The following TSPAN9 variants were observed in gnomAD, a reference collection of about 807,000 sequenced individuals.
The protein encoded by TSPAN9 is tetraspanin-9.
A neutral mutation model predicts 31.0 loss-of-function variants in TSPAN9; 16 were observed. The ratio of observed to expected loss-of-function variants is 0.52; its 90% CI spans 0.35 to 0.78. TSPAN9 has a LOEUF of 0.78. Among genes scored for constraint, TSPAN9 ranks in the 30% least tolerant of loss-of-function variants. The pLI is 0.01. For missense variants in TSPAN9, 272 were observed against 312.5 expected (o/e 0.87, Z 0.98); for synonymous variants, 145 against 121.6 (o/e 1.19, Z -1.27).
At chr12:3,276,887 C>T (rs1473525581) in intron 3 of TSPAN9, among the ~76,000 whole-genome samples, 3 of 152,128 alleles carry the variant, frequency 2.0e-5, no homozygotes, top group Non-Finnish European at 4.4e-5. Flanking sequence ...GCGTCTGTCC[C>T]CTCCCCTCAC....
At chr12:3,278,854 GGGTTTCCTCAGGA>G in intron 4 of TSPAN9, 125 bp from the exon 5 acceptor site, 2 of 992,812 alleles carry the variant, frequency 2.0e-6, no homozygotes, top group East Asian at 4.9e-5. Flanking sequence ...CTAGCTATCT[GGGTTTCCTCAGGA>G]GGAGCTGGCT....
At chr12:3,099,697 T>C (rs1222191655) in intron 2 of TSPAN9, among the ~76,000 whole-genome samples, 1 of 152,234 alleles carries the variant, frequency 6.6e-6, no homozygotes, top group African/African-American at 2.4e-5. Context: ...GGGCTCAGTT[T>C]CATACATTTG....
intron 3 of TSPAN9, among the ~76,000 whole-genome samples, chr12:3,245,710 T>C (rs1222558241): frequency 2.0e-5 from 3 of 152,180 alleles, no homozygotes; most frequent in Non-Finnish European, 4.4e-5. Flanking sequence ...CACGCTTTGC[T>C]CACAGCACCT....
chr12:3,081,844 G>GTGTGTGTGTATATATA (rs57812985), intron 1 of TSPAN9, among the ~76,000 whole-genome samples: 12 of 116,738 alleles, frequency 1.0e-4, no homozygotes, highest in African/African-American at 4.0e-4. Flanking sequence ...GTCTGTGTGT[G>GTGTGTGTGTATATATA]TATATATATG....
intron 3 of TSPAN9, among the ~76,000 whole-genome samples, chr12:3,247,309 C>A (rs1448125903): frequency 1.9e-5 from 1 of 52,434 alleles, no homozygotes; most frequent in African/African-American, 4.3e-5. Context: ...GCCCCCCCCC[C>A]CCCGCCACCC....
chr12:3,163,500 A>T (rs941055035), intron 2 of TSPAN9, among the ~76,000 whole-genome samples: 1 of 152,118 alleles, frequency 6.6e-6, no homozygotes, highest in Non-Finnish European at 1.5e-5. Flanking sequence ...TACACCTAGG[A>T]TGGTGTTTCA....
rs566793331 is a variant in TSPAN9, at chr12:3,105,432, A to T, written c.-18+21713A>T. 3.6e-3 allele frequency among the ~76,000 whole-genome samples: 180 copies of T among 49,432 alleles called. 1 individual carries two copies. The highest frequency in any genetic ancestry group is 6.8e-3 in the Non-Finnish European group (127 of 18,724). 32.4% of individuals were successfully genotyped at this position (49,432 alleles called of 152,430 possible). On this transcript the variant is annotated intron_variant, in intron 2 of 8. Transcript: ENST00000011898. Reference sequence around the variant, plus strand: ...TAAGGAAGATATTTTTCCTTGTCTTAAAAAAAAAAAAAAAAGCTACAGGCT... The same window carrying T: ...TAAGGAAGATATTTTTCCTTGTCTTTAAAAAAAAAAAAAAAGCTACAGGCT...
At chr12:3,097,350 G>A (rs529937976) in intron 2 of TSPAN9, among the ~76,000 whole-genome samples, 1 of 152,340 alleles carries the variant, frequency 6.6e-6, no homozygotes, top group East Asian at 1.9e-4. Flanking sequence ...CACGTGTGTG[G>A]CTATTTTGGG....
chr12:3,106,398 A>G (rs1444957441), intron 2 of TSPAN9, among the ~76,000 whole-genome samples: 5 of 152,214 alleles, frequency 3.3e-5, no homozygotes. Flanking sequence ...AGATCTGCAG[A>G]CTGGGAGGCA....
intron 2 of TSPAN9, among the ~76,000 whole-genome samples, chr12:3,151,837 C>G (rs908184032): frequency 3.3e-5 from 5 of 152,058 alleles, no homozygotes; most frequent in African/African-American, 1.2e-4. Flanking sequence ...GCAGGAGAGT[C>G]GCTTGAACCC....
intron 2 of TSPAN9, among the ~76,000 whole-genome samples, chr12:3,130,691 A>G (rs1408092811): frequency 1.3e-5 from 2 of 152,222 alleles, no homozygotes; most frequent in South Asian, 2.1e-4. Flanking sequence ...GTACCGGCCC[A>G]CAGAGATGTG....
intron 3 of TSPAN9, among the ~76,000 whole-genome samples, chr12:3,223,285 C>A (rs2098385490): frequency 1.3e-5 from 2 of 152,200 alleles, no homozygotes; most frequent in Non-Finnish European, 2.9e-5. Flanking sequence ...TTCTGTGCCC[C>A]TTACCCGGCT....
rs1862966692 is a variant in TSPAN9 at position 3,284,290 on chromosome 12, T to C, written c.*1174T>C. The C allele has an allele frequency of 6.6e-6, 1 of 152,516 alleles. No individual in the cohort carries two copies. The highest frequency in any genetic ancestry group is 2.1e-4 in the South Asian group (1 of 4,838). 9.4% of individuals were successfully genotyped at this position (152,516 alleles called of 1,614,324 possible). On this transcript the variant is annotated 3_prime_UTR_variant, in exon 9 of 9. Transcript: ENST00000011898. ...GGAAGGGGAAGCAGTCCTTAGGTTT[T>C]GCTGTGCTGGGACAGTGGCAGGGGA...
At chr12:3,242,581 G>A (rs2098397129) in intron 3 of TSPAN9, among the ~76,000 whole-genome samples, 1 of 152,248 alleles carries the variant, frequency 6.6e-6, no homozygotes. Context: ...CGAGGATGGG[G>A]ACTGTCCCTG....
intron 2 of TSPAN9, among the ~76,000 whole-genome samples, chr12:3,194,863 C>T (rs909195780): frequency 6.6e-6 from 1 of 152,264 alleles, no homozygotes; most frequent in African/African-American, 2.4e-5. Flanking sequence ...AGCCTCCCCC[C>T]ACCATGTGGG....
At chr12:3,124,276 A>G (rs2098326374) in intron 2 of TSPAN9, among the ~76,000 whole-genome samples, 1 of 152,234 alleles carries the variant, frequency 6.6e-6, no homozygotes, top group Non-Finnish European at 1.5e-5. Flanking sequence ...GGAAGTTTAT[A>G]TCAAAGGCCT....
chr12:3,263,641 G>A (rs959747225), intron 3 of TSPAN9, among the ~76,000 whole-genome samples: 9 of 152,218 alleles, frequency 5.9e-5, no homozygotes, highest in African/African-American at 9.6e-5. Context: ...GAAAACCAGG[G>A]CCTCTCTGTG....
At chr12:3,150,977 C>G (rs905401513) in intron 2 of TSPAN9, 1 of 152,242 alleles carries the variant, frequency 6.6e-6, no homozygotes, top group African/African-American at 2.4e-5. Context: ...TTCTTCCTCC[C>G]TCTGCAGCGT....
At chr12:3,179,284 C>T (rs1487488733) in intron 2 of TSPAN9, among the ~76,000 whole-genome samples, 1 of 152,122 alleles carries the variant, frequency 6.6e-6, no homozygotes, top group Non-Finnish European at 1.5e-5. Context: ...GACACTCACC[C>T]CACTCTGACT....
Sources: gnomAD v4.1 joint callset for allele counts (sites outside exome capture counted in the v4.1 genomes callset) on GRCh38, gnomAD v4.1.1 for gene constraint, MANE v1.5 for transcripts, NCBI Gene and HGNC (gene_info 2026-07-23, HGNC 2026-07-21) for gene names.